The following TAF4B variants were observed in gnomAD, a reference collection of about 807,000 sequenced individuals.
TAF4B encodes TATA-box binding protein associated factor 4b.
In TAF4B, 38 loss-of-function variants were observed where a neutral mutation model predicts 86.4. The ratio of observed to expected loss-of-function variants is 0.44; its 90% CI spans 0.34 to 0.58. The LOEUF is 0.58. Among genes scored for constraint, TAF4B ranks in the 20% least tolerant of loss-of-function variants. TAF4B has a pLI of 0.02. For missense variants in TAF4B, 988 were observed against 1,027.6 expected, an observed-to-expected ratio of 0.96 and a Z score of 0.53; for synonymous variants, 388 against 391.2, an observed-to-expected ratio of 0.99 and a Z score of 0.10.
rs147699283 is a variant in TAF4B at position 26,308,460 on chromosome 18, T to G, written c.1833-6769T>G. Among the ~76,000 whole-genome samples, 311 of 152,138 alleles carry G rather than the reference T, an allele frequency of 2.0e-3. 1 individual carries two copies. The highest frequency in any genetic ancestry group is 7.3e-3 in the African/African-American group (301 of 41,510). ...GTACACCATGAAGTGAAGGTTGAAG[T>G]TATATAGGTAGGAGATAGGGCATAT... On this transcript the variant is annotated intron_variant, in intron 9 of 14. Coordinates refer to ENST00000269142, the MANE Select transcript of TAF4B (RefSeq NM_005640.3).
chr18:26,348,028 G>A (rs1047783904), intron 13 of TAF4B, among the ~76,000 whole-genome samples: 5 of 152,102 alleles, frequency 3.3e-5, no homozygotes, highest in African/African-American at 1.2e-4. Context: ...GAAAATCAAC[G>A]AAGAAACATT....
intron 1 of TAF4B, among the ~76,000 whole-genome samples, chr18:26,252,593 A>G (rs1321925389): frequency 1.3e-5 from 2 of 152,042 alleles, no homozygotes; most frequent in African/African-American, 4.8e-5. Flanking sequence ...CCTGCCTGAA[A>G]TGTGAATCAT....
In TAF4B at chr18:26,342,822, A is replaced by G. The variant is rs183198398; in HGVS notation, c.2316+7591A>G. Among the ~76,000 whole-genome samples, 213 of 152,178 alleles carry G rather than the reference A, an allele frequency of 1.4e-3. 1 individual carries two copies. The highest frequency in any genetic ancestry group is 3.4e-3 in the Middle Eastern group (1 of 294). ...GGAAATAGCATATTCTTAAAAGAGA[A>G]CCTCCCAAACCTGTTTGGTCTCTTT... On this transcript the variant is annotated intron_variant, in intron 13 of 14. Coordinates refer to ENST00000269142, the MANE Select transcript of TAF4B (RefSeq NM_005640.3).
At chr18:26,230,595 G>C (rs2055649895) in intron 1 of TAF4B, among the ~76,000 whole-genome samples, 1 of 152,222 alleles carries the variant, frequency 6.6e-6, no homozygotes, top group South Asian at 2.1e-4. Flanking sequence ...GCCCACAGGA[G>C]AAAGTGCTGG....
intron 13 of TAF4B, among the ~76,000 whole-genome samples, chr18:26,335,627 G>C (rs768037288): frequency 4.6e-5 from 7 of 152,192 alleles, no homozygotes; most frequent in African/African-American, 9.6e-5. Flanking sequence ...GGGAGGCGGT[G>C]CTGGGATTTA....
chr18:26,328,028 C>T (rs1255906305), intron 12 of TAF4B, among the ~76,000 whole-genome samples: 1 of 152,228 alleles, frequency 6.6e-6, no homozygotes, highest in Non-Finnish European at 1.5e-5. Context: ...TGTGAGAAAT[C>T]TTAAAGGCTG....
intron 12 of TAF4B, among the ~76,000 whole-genome samples, chr18:26,330,802 C>CA (rs2057043986): frequency 6.6e-6 from 1 of 152,140 alleles, no homozygotes; most frequent in Non-Finnish European, 1.5e-5. Context: ...ACTTGGTTCC[C>CA]ATTATCCTTG....
intron 14 of TAF4B, among the ~76,000 whole-genome samples, chr18:26,366,960 A>G (rs2057375932): frequency 6.6e-6 from 1 of 152,188 alleles, no homozygotes; most frequent in Non-Finnish European, 1.5e-5. Context: ...TCAAATGAAA[A>G]AATTGTGGTA....
chr18:26,265,028 G>T, intron 1 of TAF4B, 142 bp from the exon 2 acceptor site: 1 of 776,646 alleles, frequency 1.3e-6, no homozygotes, highest in Non-Finnish European at 1.9e-6. Flanking sequence ...GTTCATCTTT[G>T]TATATAAGTA....
At chr18:26,260,506 C>A (rs140262548) in intron 1 of TAF4B, among the ~76,000 whole-genome samples, 6,358 of 152,246 alleles carry the variant, frequency 0.042, 181 homozygotes, top group Non-Finnish European at 0.059. Context: ...ATATGGCTAG[C>A]CAGTTTTCCC....
chr18:26,318,262 T>G (rs1266132198), intron 10 of TAF4B, among the ~76,000 whole-genome samples: 5 of 152,190 alleles, frequency 3.3e-5, no homozygotes, highest in Non-Finnish European at 7.4e-5. Context: ...CTTGAACTCC[T>G]GGTCTTAAAT....
intron 10 of TAF4B, among the ~76,000 whole-genome samples, chr18:26,317,027 T>TTTTTTGA (rs1491193426): frequency 3.0e-5 from 1 of 33,212 alleles, no homozygotes; most frequent in Admixed American, 4.4e-4. Flanking sequence ...TCCCTTCCGA[T>TTTTTTGA]TTTTTTTTTT....
At chr18:26,289,629 G>T (rs1167081591) in intron 7 of TAF4B, among the ~76,000 whole-genome samples, 2 of 152,286 alleles carry the variant, frequency 1.3e-5, no homozygotes, top group East Asian at 3.9e-4. Context: ...TGTGACTGCA[G>T]ATGCAGACCA....
chr18:26,251,852 C>G (rs1254379841), intron 1 of TAF4B, among the ~76,000 whole-genome samples: 1 of 152,142 alleles, frequency 6.6e-6, no homozygotes, highest in African/African-American at 2.4e-5. Context: ...TGTTTTGCAT[C>G]TTGAAAACAC....
chr18:26,285,222 G>GTTTTTGTTTTTGTTTTTT, intron 6 of TAF4B, among the ~76,000 whole-genome samples: 1,589 of 45,502 alleles, frequency 0.035, 129 homozygotes, highest in African/African-American at 0.091. Flanking sequence ...TTTTTTTTTT[G>GTTTTTGTTTTTGTTTTTT]TTTTTTTTTT....
In TAF4B at chr18:26,285,996, A is replaced by C. The variant is rs770109928; in HGVS notation, c.1087A>C (p.Thr363Pro). 3 of 1,614,088 alleles carry C rather than the reference A, an allele frequency of 1.9e-6. No homozygotes were observed. In the African/African-American group the frequency reaches 4.0e-5, roughly 22 times the overall value. ...TGCTACCTGTACTACAACAGTAACA[A>C]CTTCTCCTGTGGTGACAACTACAGT... ...VIATCTTTVT[T>P]SPVVTTTVSS... Residue 363 changes from threonine (T) to proline (P), a missense_variant, in exon 7 of 15, where the codon ACT becomes CCT. By Grantham distance (38) the Thr-to-Pro change is conservative. This residue lies in a region of TAF4B where 747 missense variants were observed against 737.9 expected (regional missense o/e 1.01). Transcript: ENST00000269142.
chr18:26,302,762 A>C (rs1428935006), intron 9 of TAF4B, among the ~76,000 whole-genome samples: 2 of 152,096 alleles, frequency 1.3e-5, no homozygotes, highest in Non-Finnish European at 1.5e-5. Context: ...CCCATATAGG[A>C]AACCACTTGT....
chr18:26,294,584 C>T (rs946310475), intron 9 of TAF4B, among the ~76,000 whole-genome samples: 4 of 148,340 alleles, frequency 2.7e-5, no homozygotes, highest in South Asian at 2.1e-4. Context: ...TATAATTTCT[C>T]CCTTTTGCAT....
At chr18:26,246,209 A>G (rs961089362) in intron 1 of TAF4B, among the ~76,000 whole-genome samples, 9 of 152,226 alleles carry the variant, frequency 5.9e-5, no homozygotes, top group South Asian at 4.1e-4. Context: ...TAGGATTTCA[A>G]TATAGAGAAA....
Sources: gnomAD v4.1 joint callset for allele counts (sites outside exome capture counted in the v4.1 genomes callset) on GRCh38, gnomAD v4.1.1 for gene constraint, gnomAD v4.1.1 regional missense constraint, MANE v1.5 for transcripts, NCBI Gene and HGNC (gene_info 2026-07-23, HGNC 2026-07-21) for gene names.